Variants in PCDH9 observed in about 807,000 individuals in gnomAD.
The protein encoded by PCDH9 is protocadherin 9.
PCDH9 carries 24 observed loss-of-function variants against 70.6 expected under a neutral mutation model. That is an observed-to-expected ratio of 0.34 (90% CI 0.25 to 0.48). The LOEUF is 0.48. PCDH9 is among the 20% of genes least tolerant of loss of function. The pLI is 0.99. For synonymous variants in PCDH9, 562 were observed against 558.5 expected, an observed-to-expected ratio of 1.01 and a Z score of -0.09; for missense variants, 1,281 against 1,503.6, an observed-to-expected ratio of 0.85 and a Z score of 2.45.
intron 2 of PCDH9, among the ~76,000 whole-genome samples, chr13:66,934,032 A>G (rs73503490): frequency 0.047 from 7,103 of 152,122 alleles, 536 homozygotes; most frequent in African/African-American, 0.16. Context: ...ATAAATACAA[A>G]TCATGCTGAC....
chr13:66,917,143 G>T (rs758603342), intron 2 of PCDH9, among the ~76,000 whole-genome samples: 3 of 151,400 alleles, frequency 2.0e-5, no homozygotes, highest in Non-Finnish European at 4.4e-5. Flanking sequence ...CCACTCATTT[G>T]ATGGTTTATG....
At chr13:66,394,411 G>C (rs950913852) in intron 4 of PCDH9, among the ~76,000 whole-genome samples, 1 of 152,098 alleles carries the variant, frequency 6.6e-6, no homozygotes, top group Non-Finnish European at 1.5e-5. Context: ...GAGTGGAAAA[G>C]AAAAGAAAAT....
intron 3 of PCDH9, among the ~76,000 whole-genome samples, chr13:66,710,914 C>A (rs1451784142): frequency 6.6e-6 from 1 of 152,128 alleles, no homozygotes; most frequent in East Asian, 1.9e-4. Flanking sequence ...TTTTAAGGCC[C>A]TCCTGATTAC....
At chr13:66,820,153 A>G (rs1045362094) in intron 3 of PCDH9, among the ~76,000 whole-genome samples, 2 of 152,100 alleles carry the variant, frequency 1.3e-5, no homozygotes, top group African/African-American at 2.4e-5. Context: ...TTTTGTAAAT[A>G]TTTAGGTTAA....
chr13:66,734,756 C>G (rs1286964107), intron 3 of PCDH9, among the ~76,000 whole-genome samples: 1 of 152,136 alleles, frequency 6.6e-6, no homozygotes, highest in African/African-American at 2.4e-5. Context: ...TATTCTATGT[C>G]TCATATCTCA....
intron 2 of PCDH9, among the ~76,000 whole-genome samples, chr13:67,037,818 T>G (rs2085039494): frequency 6.6e-6 from 1 of 152,158 alleles, no homozygotes; most frequent in Admixed American, 6.6e-5. Context: ...AATATATGAC[T>G]GCCATACTTC....
At chr13:66,708,562 C>T (rs2078748798) in intron 3 of PCDH9, among the ~76,000 whole-genome samples, 1 of 151,916 alleles carries the variant, frequency 6.6e-6, no homozygotes, top group African/African-American at 2.4e-5. Flanking sequence ...TGCAGATATC[C>T]TTTAATGAAA....
At chr13:67,170,596 G>A (rs936551322) in intron 2 of PCDH9, among the ~76,000 whole-genome samples, 2 of 152,046 alleles carry the variant, frequency 1.3e-5, no homozygotes, top group East Asian at 3.8e-4. Context: ...AATAACAATG[G>A]GAATTGCATA....
intron 4 of PCDH9, among the ~76,000 whole-genome samples, chr13:66,523,624 G>A (rs1368099322): frequency 1.3e-5 from 2 of 151,816 alleles, no homozygotes; most frequent in African/African-American, 2.4e-5. Flanking sequence ...TGATTCAGTG[G>A]AAGAATGCAT....
At chr13:66,757,920 T>G (rs1471604610) in intron 3 of PCDH9, among the ~76,000 whole-genome samples, 1 of 152,078 alleles carries the variant, frequency 6.6e-6, no homozygotes, top group Non-Finnish European at 1.5e-5. Context: ...CTAAATTTCT[T>G]GATGTATTCT....
intron 2 of PCDH9, among the ~76,000 whole-genome samples, chr13:67,106,996 G>T (rs1239662522): frequency 6.6e-6 from 1 of 152,188 alleles, no homozygotes; most frequent in African/African-American, 2.4e-5. Context: ...AGGTCTGCAG[G>T]TGCTCCTTGG....
At chr13:67,055,989 T>A (rs1248199669) in intron 2 of PCDH9, among the ~76,000 whole-genome samples, 2 of 151,980 alleles carry the variant, frequency 1.3e-5, no homozygotes, top group African/African-American at 2.4e-5. Flanking sequence ...CCCATCTCGA[T>A]GAAATTTTTT....
At chr13:66,806,029 T>A (rs1448525327) in intron 3 of PCDH9, among the ~76,000 whole-genome samples, 1 of 129,160 alleles carries the variant, frequency 7.7e-6, no homozygotes, top group Non-Finnish European at 1.5e-5. Context: ...GCACACAAAA[T>A]ATATATGTTT....
chr13:66,580,510 T>G (rs1015022684), intron 4 of PCDH9, among the ~76,000 whole-genome samples: 2 of 151,930 alleles, frequency 1.3e-5, no homozygotes, highest in African/African-American at 4.8e-5. Flanking sequence ...CTAAGAAATA[T>G]GGAGTGGGGT....
intron 3 of PCDH9, among the ~76,000 whole-genome samples, chr13:66,708,700 GACTCAAATAACAGAC>G (rs1378145237): frequency 2.0e-5 from 3 of 152,168 alleles, no homozygotes; most frequent in Non-Finnish European, 2.9e-5. Flanking sequence ...CTAAGTATGT[GACTCAAATAACAGAC>G]ACTGTTTTCA....
At chr13:66,352,335 T>A (rs529402385) in intron 4 of PCDH9, among the ~76,000 whole-genome samples, 1 of 152,316 alleles carries the variant, frequency 6.6e-6, no homozygotes, top group African/African-American at 2.4e-5. Flanking sequence ...TGCTGTTTTA[T>A]ATACTCTCTA....
intron 2 of PCDH9, among the ~76,000 whole-genome samples, chr13:67,064,286 TC>T (rs58879320): frequency 0.037 from 5,699 of 152,138 alleles, 179 homozygotes; most frequent in South Asian, 0.11. Context: ...ATTCTCTAGA[TC>T]AGAAAAAAAC....
At chr13:67,169,906 T>C (rs1053579641) in intron 2 of PCDH9, among the ~76,000 whole-genome samples, 2 of 152,218 alleles carry the variant, frequency 1.3e-5, no homozygotes, top group Non-Finnish European at 2.9e-5. Context: ...TATTTCAAAT[T>C]ATAATTCTGG....
At chr13:66,500,488 G>A (rs1256090712) in intron 4 of PCDH9, among the ~76,000 whole-genome samples, 1 of 151,786 alleles carries the variant, frequency 6.6e-6, no homozygotes, top group African/African-American at 2.4e-5. Context: ...TTTTTAACAG[G>A]ATAAGTTTTT....
Sources: gnomAD v4.1 joint callset for allele counts (sites outside exome capture counted in the v4.1 genomes callset) on GRCh38, gnomAD v4.1.1 for gene constraint, MANE v1.5 for transcripts, NCBI Gene and HGNC (gene_info 2026-07-23, HGNC 2026-07-21) for gene names.